Variants in NR5A2 observed in about 807,000 individuals in gnomAD.
NR5A2 encodes nuclear receptor subfamily 5 group A member 2.
NR5A2 carries 26 observed loss-of-function variants against 62.7 expected under a neutral mutation model. That is an observed-to-expected ratio of 0.41 (90% CI 0.30 to 0.58). The LOEUF (loss-of-function observed/expected upper bound fraction) is 0.58. NR5A2 is among the 20% of genes least tolerant of loss of function. The pLI is 0.22. For synonymous variants in NR5A2, 246 were observed against 241.7 expected (o/e 1.02, Z -0.16); for missense variants, 541 against 669.1 (o/e 0.81, Z 2.11).
chr1:200,059,189 C>T (rs1195835576), intron 5 of NR5A2, among the ~76,000 whole-genome samples: 1 of 152,112 alleles, frequency 6.6e-6, no homozygotes, highest in Non-Finnish European at 1.5e-5. Flanking sequence ...CCCATCAGAA[C>T]AGGAACAGGG....
intron 5 of NR5A2, among the ~76,000 whole-genome samples, chr1:200,077,808 C>T (rs1664109533): frequency 6.6e-6 from 1 of 152,148 alleles, no homozygotes; most frequent in Admixed American, 6.5e-5. Flanking sequence ...TTCTCATTTG[C>T]AAGATGGTAC....
chr1:200,102,754 C>T (rs537082919), intron 5 of NR5A2, among the ~76,000 whole-genome samples: 4 of 152,230 alleles, frequency 2.6e-5, no homozygotes, highest in East Asian at 1.9e-4. Flanking sequence ...AGTTTTGAAC[C>T]GCTTACTCTA....
intron 7 of NR5A2, among the ~76,000 whole-genome samples, chr1:200,166,156 A>G (rs1653889986): frequency 6.6e-6 from 1 of 152,194 alleles, no homozygotes; most frequent in South Asian, 2.1e-4. Flanking sequence ...GAACATTGGT[A>G]TTGTACCACA....
In NR5A2 at chr1:200,048,548, A is replaced by T. The variant is rs1558104181; in HGVS notation, c.840A>T (p.Ser280=). ...KSEYPDPYTS[S]PESIMGYSYM... ...AGTACCCAGACCCCTATACCAGCTC[A>T]CCCGAGTCCATAATGGGCTATTCAT... Residue 280 remains serine, a synonymous_variant, in exon 5 of 8, where the codon TCA becomes TCT. Coordinates refer to ENST00000367362, the MANE Select transcript of NR5A2 (RefSeq NM_205860.3). This position sits in a 1 kb window ranked among gnomAD's most constrained non-coding sequence, Gnocchi z 4.8. The T allele has an allele frequency of 6.2e-7, 1 of 1,613,958 alleles. No individual in the cohort carries two copies. The highest frequency in any genetic ancestry group is 1.7e-5 in the Admixed American group (1 of 59,990).
At chr1:200,087,717 T>A (rs1192202200) in intron 5 of NR5A2, among the ~76,000 whole-genome samples, 2 of 151,926 alleles carry the variant, frequency 1.3e-5, no homozygotes, top group African/African-American at 4.8e-5. Context: ...TATCTGTTCT[T>A]TCATCCCTTA....
chr1:200,169,779 T>A (rs1272773702), intron 7 of NR5A2, among the ~76,000 whole-genome samples: 3 of 152,262 alleles, frequency 2.0e-5, no homozygotes, highest in Non-Finnish European at 4.4e-5. Flanking sequence ...TCTGTCTGTT[T>A]ACATACTATT....
chr1:200,086,281 G>C (rs1469103911), intron 5 of NR5A2, among the ~76,000 whole-genome samples: 1 of 152,066 alleles, frequency 6.6e-6, no homozygotes, highest in Non-Finnish European at 1.5e-5. Context: ...GTAAGAGGGT[G>C]GGGAGAGAAT....
chr1:200,151,779 C>G (rs926480862), intron 7 of NR5A2, among the ~76,000 whole-genome samples: 3 of 152,180 alleles, frequency 2.0e-5, no homozygotes, highest in African/African-American at 7.2e-5. Context: ...TTAAGGTCAT[C>G]AGGATAGTGG....
At chr1:200,035,825 G>C (rs1661752226) in intron 1 of NR5A2, among the ~76,000 whole-genome samples, 1 of 152,186 alleles carries the variant, frequency 6.6e-6, no homozygotes, top group Non-Finnish European at 1.5e-5. Context: ...AGGTGGAGGG[G>C]AGGTGGGGGA....
intron 5 of NR5A2, among the ~76,000 whole-genome samples, chr1:200,057,319 C>G (rs1662959624): frequency 6.6e-6 from 1 of 152,030 alleles, no homozygotes; most frequent in Non-Finnish European, 1.5e-5. Context: ...ATCTTTAGGA[C>G]AGTCCAGTGA....
chr1:200,168,195 T>G (rs530055859), intron 7 of NR5A2, among the ~76,000 whole-genome samples: 1 of 151,370 alleles, frequency 6.6e-6, no homozygotes, highest in African/African-American at 2.4e-5. Flanking sequence ...ATATAGTATA[T>G]ACACTTTATA....
chr1:200,063,177 C>A (rs1302246966), intron 5 of NR5A2, among the ~76,000 whole-genome samples: 5 of 151,690 alleles, frequency 3.3e-5, no homozygotes, highest in Admixed American at 3.3e-4. Flanking sequence ...GCGCATGCCA[C>A]CACACCCAGC....
At chr1:200,086,353 G>T (rs944216834) in intron 5 of NR5A2, among the ~76,000 whole-genome samples, 2 of 152,020 alleles carry the variant, frequency 1.3e-5, no homozygotes, top group Non-Finnish European at 2.9e-5. Context: ...GCCCAGGCTG[G>T]AGTGCAGTGG....
At chr1:200,082,872 G>T (rs888835761) in intron 5 of NR5A2, among the ~76,000 whole-genome samples, 1 of 152,068 alleles carries the variant, frequency 6.6e-6, no homozygotes, top group East Asian at 1.9e-4. Flanking sequence ...ACCTAAAAAG[G>T]CATGCAACCT....
intron 7 of NR5A2, among the ~76,000 whole-genome samples, chr1:200,139,016 A>G (rs1386226629): frequency 6.6e-6 from 1 of 152,156 alleles, no homozygotes; most frequent in Non-Finnish European, 1.5e-5. Context: ...TCTTGGGAGT[A>G]TTGAGACTTT....
At chr1:200,115,665 C>T (rs1191686107) in intron 6 of NR5A2, among the ~76,000 whole-genome samples, 1 of 152,114 alleles carries the variant, frequency 6.6e-6, no homozygotes, top group Non-Finnish European at 1.5e-5. Flanking sequence ...TAATTAATGA[C>T]TGCCCTTTGC....
rs772460047 is a variant in NR5A2 at position 200,048,779 on chromosome 1, C to T, written c.1071C>T (p.Val357=). The change falls in exon 5 of 8, where the codon GTC becomes GTT. Residue 357 remains valine, a synonymous_variant. Coordinates refer to ENST00000367362, the MANE Select transcript of NR5A2 (RefSeq NM_205860.3). This position sits in a 1 kb window ranked among gnomAD's most constrained non-coding sequence, Gnocchi z 4.8. ...CAGATCAAACTCTCTTCTCCATTGTCGAGTGGGCCAGGAGTAGTATCTTCT... is the reference window on the plus strand; with the variant it reads ...CAGATCAAACTCTCTTCTCCATTGTTGAGTGGGCCAGGAGTAGTATCTTCT... ...KMADQTLFSI[V]EWARSSIFFR... 8.1e-6 allele frequency: 13 copies of T among 1,614,056 alleles called. No individual in the cohort carries two copies. Among genetic ancestry groups the T allele is most frequent in the African/African-American group, 4.0e-5 (3 of 74,910 alleles).
At chr1:200,138,133 C>T (rs961211042) in intron 7 of NR5A2, among the ~76,000 whole-genome samples, 5 of 152,202 alleles carry the variant, frequency 3.3e-5, no homozygotes, top group South Asian at 4.1e-4. Context: ...ATTCATTCTC[C>T]GATTGGTGGA....
In NR5A2 at chr1:200,085,658, ATC is replaced by A. The variant is rs1664486721; in HGVS notation, c.1111-25541_1111-25540del. ...CTAGAGCACAACAGAATGAAGACCT[ATC>A]TCAAAAAAAAAAAAAAAGAAAAGAA... On this transcript the variant is annotated intron_variant, in intron 5 of 7. Coordinates refer to ENST00000367362, the MANE Select transcript of NR5A2 (RefSeq NM_205860.3). Among the ~76,000 whole-genome samples the A allele has an allele frequency of 2.3e-5, 3 of 133,180 alleles. No homozygotes were observed. In the South Asian group the frequency reaches 7.4e-4, roughly 33 times the overall value. 87.4% of individuals were successfully genotyped at this position (133,180 alleles called of 152,430 possible). A position where few individuals can be genotyped will look rare whatever the true frequency, so the allele number is the denominator to read the frequency against.
Sources: gnomAD v4.1 joint callset for allele counts (sites outside exome capture counted in the v4.1 genomes callset) on GRCh38, gnomAD v4.1.1 for gene constraint, Gnocchi (gnomAD v3.1) non-coding constraint, MANE v1.5 for transcripts, NCBI Gene and HGNC (gene_info 2026-07-23, HGNC 2026-07-21) for gene names.